The following DENND1B variants were observed in gnomAD, a reference collection of about 807,000 sequenced individuals.
DENND1B encodes the protein DENN domain containing 1B.
DENND1B carries 59 observed loss-of-function variants against 90.1 expected under a neutral mutation model. The observed-to-expected ratio is 0.65, with a 90% confidence interval of 0.53 to 0.81. DENND1B has a LOEUF of 0.81. Among genes scored for constraint, DENND1B ranks in the 40% least tolerant of loss-of-function variants. The pLI is 0.00. For synonymous variants in DENND1B, 337 were observed against 324.6 expected, an observed-to-expected ratio of 1.04 and a Z score of -0.41; for missense variants, 862 against 912.6, an observed-to-expected ratio of 0.94 and a Z score of 0.71.
At chr1:197,718,957 T>G (rs970670817) in intron 2 of DENND1B, among the ~76,000 whole-genome samples, 1 of 151,904 alleles carries the variant, frequency 6.6e-6, no homozygotes, top group Non-Finnish European at 1.5e-5. Context: ...GCAGCTAGAG[T>G]GTGTGTTATT....
intron 3 of DENND1B, among the ~76,000 whole-genome samples, chr1:197,707,066 T>C (rs1202640387): frequency 6.6e-6 from 1 of 152,134 alleles, no homozygotes; most frequent in African/African-American, 2.4e-5. Context: ...CAAAATGGAA[T>C]ACTATTCAAC....
Position 197,512,971 on chromosome 1 carries a change from C to A in DENND1B, c.1516-18G>T, listed in dbSNP as rs751657304. Reference sequence around the variant, plus strand: ...AAGCGTGCCTGGAGAGAGAGATTGACAATAAATTGGCATTAGCAGTTTAAA... The same window carrying A: ...AAGCGTGCCTGGAGAGAGAGATTGAAAATAAATTGGCATTAGCAGTTTAAA... On this transcript the variant is annotated intron_variant, in intron 20 of 22. Coordinates refer to ENST00000620048, the MANE Select transcript of DENND1B (RefSeq NM_001195215.2). The A allele has an allele frequency of 1.2e-5, 19 of 1,596,302 alleles. No homozygotes were observed. The highest frequency in any genetic ancestry group is 1.6e-5 in the Non-Finnish European group (19 of 1,171,536).
intron 15 of DENND1B, among the ~76,000 whole-genome samples, chr1:197,575,459 T>C (rs941526303): frequency 6.6e-6 from 1 of 151,994 alleles, no homozygotes; most frequent in Non-Finnish European, 1.5e-5. Context: ...TGTGGAGAAA[T>C]AGAAAAGCTT....
At chr1:197,520,459 T>C (rs1668695577) in intron 20 of DENND1B, among the ~76,000 whole-genome samples, 1 of 151,984 alleles carries the variant, frequency 6.6e-6, no homozygotes, top group Non-Finnish European at 1.5e-5. Flanking sequence ...GTCAAATTGT[T>C]GATGTTCCTA....
At chr1:197,649,331 C>G (rs1208152753) in intron 7 of DENND1B, among the ~76,000 whole-genome samples, 2 of 152,148 alleles carry the variant, frequency 1.3e-5, no homozygotes, top group Non-Finnish European at 2.9e-5. Flanking sequence ...AAGTAACTTT[C>G]ATCTGACAGT....
chr1:197,546,075 T>TA lies in DENND1B; in HGVS notation c.1282-86dup, dbSNP rs1180469594. On this transcript the variant is annotated intron_variant, in intron 17 of 22. Coordinates refer to ENST00000620048, the MANE Select transcript of DENND1B (RefSeq NM_001195215.2). ...AAAGTATTACAGTAAGTTGCATATT[T>TA]AAAAAAAGGGCTTTACTCACAACTT... is the stretch of plus-strand genomic sequence containing the variant. The TA allele has an allele frequency of 1.5e-5, 16 of 1,102,996 alleles. 1 individual carries two copies. Among genetic ancestry groups the TA allele is most frequent in the Middle Eastern group, 2.5e-4 (1 of 3,988 alleles). The allele number at this position is 1,102,996 out of a possible 1,614,324, so 68.3% of individuals were successfully genotyped here.
At chr1:197,686,499 A>G (rs1009442056) in intron 3 of DENND1B, among the ~76,000 whole-genome samples, 1 of 152,130 alleles carries the variant, frequency 6.6e-6, no homozygotes, top group African/African-American at 2.4e-5. Context: ...TAGTTTCTAC[A>G]TTTAGTAGCC....
intron 14 of DENND1B, among the ~76,000 whole-genome samples, chr1:197,594,565 G>A (rs1285112973): frequency 3.9e-5 from 6 of 152,086 alleles, no homozygotes; most frequent in Non-Finnish European, 1.5e-5. Context: ...TGTAAAATCA[G>A]CCTAACATGC....
chr1:197,562,405 T>G (rs1253925928), intron 15 of DENND1B, among the ~76,000 whole-genome samples: 2 of 151,956 alleles, frequency 1.3e-5, no homozygotes, highest in African/African-American at 2.4e-5. Flanking sequence ...TGTGTCCCTG[T>G]GTCATATTTT....
chr1:197,617,664 G>A lies in DENND1B; in HGVS notation c.768C>T (p.Tyr256=). ...TCTGGCAAAAGCCAGCTTACCAGCA[G>A]TAGTCCAGCAGGTGTGGAGGAAGCA... ...IPVLPPHLLD[Y]CCAPMPYLIG... Residue 256 remains tyrosine, a synonymous_variant, in exon 11 of 23, where the codon TAC becomes TAT. Coordinates refer to ENST00000620048, the MANE Select transcript of DENND1B (RefSeq NM_001195215.2). The A allele has an allele frequency of 6.2e-7, 1 of 1,606,206 alleles. No individual in the cohort carries two copies. The highest frequency in any genetic ancestry group is 8.5e-7 in the Non-Finnish European group (1 of 1,174,456).
At chr1:197,749,435 A>G (rs1341439726) in intron 2 of DENND1B, among the ~76,000 whole-genome samples, 3 of 152,126 alleles carry the variant, frequency 2.0e-5, no homozygotes, top group Admixed American at 6.5e-5. Flanking sequence ...ATAGATAATG[A>G]TTAAAAACTT....
intron 10 of DENND1B, among the ~76,000 whole-genome samples, chr1:197,633,453 C>T (rs1396511696): frequency 6.6e-6 from 1 of 152,098 alleles, no homozygotes; most frequent in African/African-American, 2.4e-5. Flanking sequence ...GGAGAGGGTA[C>T]TAAAGGGACA....
intron 10 of DENND1B, among the ~76,000 whole-genome samples, chr1:197,633,501 AC>A (rs1299318611): frequency 6.6e-6 from 1 of 152,152 alleles, no homozygotes; most frequent in Non-Finnish European, 1.5e-5. Context: ...TTCCAGTGAG[AC>A]ACTCTGCAGG....
intron 10 of DENND1B, among the ~76,000 whole-genome samples, chr1:197,633,685 A>G (rs2125901852): frequency 6.6e-6 from 1 of 152,036 alleles, no homozygotes; most frequent in Admixed American, 6.5e-5. Flanking sequence ...GCATTCCCCT[A>G]CCTTATAGCA....
intron 10 of DENND1B, among the ~76,000 whole-genome samples, chr1:197,620,993 C>T (rs976862774): frequency 6.6e-6 from 1 of 151,156 alleles, no homozygotes; most frequent in Non-Finnish European, 1.5e-5. Flanking sequence ...AGAGTAAACT[C>T]GTGGATTTGG....
intron 2 of DENND1B, among the ~76,000 whole-genome samples, chr1:197,718,653 T>G (rs1042099177): frequency 6.6e-6 from 1 of 151,934 alleles, no homozygotes; most frequent in Non-Finnish European, 1.5e-5. Flanking sequence ...AGAGAGTCAC[T>G]AAAGGACTTC....
intron 14 of DENND1B, among the ~76,000 whole-genome samples, chr1:197,584,699 T>G (rs1340020011): frequency 6.6e-6 from 1 of 151,276 alleles, no homozygotes; most frequent in Non-Finnish European, 1.5e-5. Context: ...TTGGGGAGGG[T>G]GTCATTCTGC....
At position 197,621,718 on chromosome 1, in the gene DENND1B, A is replaced by G. The variant is rs945376221; in HGVS notation, c.673-3959T>C. The stretch of plus-strand genomic sequence containing the variant: ...TTCTTTAATACCACAATTGTTCCTC[A>G]CGAAAGCAGAGAAAAGGGTAAAGGG... On this transcript the variant is annotated intron_variant, in intron 10 of 22. Coordinates refer to ENST00000620048, the MANE Select transcript of DENND1B (RefSeq NM_001195215.2). Among the ~76,000 whole-genome samples, 10 of 151,436 alleles carry G rather than the reference A, an allele frequency of 6.6e-5. No individual in the cohort carries two copies. The East Asian group carries it at 1.9e-3, about 30-fold the overall frequency.
chr1:197,570,617 A>G (rs1673067845), intron 15 of DENND1B, among the ~76,000 whole-genome samples: 2 of 152,184 alleles, frequency 1.3e-5, no homozygotes, highest in Admixed American at 1.3e-4. Context: ...CCCTAATATT[A>G]TAATTTATAC....
Sources: allele counts gnomAD v4.1 joint callset (sites outside exome capture counted in the v4.1 genomes callset), GRCh38; gene constraint gnomAD v4.1.1; transcripts MANE v1.5; gene names NCBI Gene and HGNC (gene_info 2026-07-23, HGNC 2026-07-21).